The following PEX5 variants were observed in gnomAD, a reference collection of about 807,000 sequenced individuals.
PEX5 encodes the protein PTS1 receptor.
In PEX5, 52 loss-of-function variants were observed where a neutral mutation model predicts 82.9. The observed-to-expected ratio is 0.63, with a 90% CI of 0.50 to 0.79. The LOEUF is 0.79. Ranked by LOEUF, PEX5 falls within the 30% of genes least tolerant of loss-of-function variation. The pLI, the probability that PEX5 is intolerant of heterozygous loss-of-function variation, is 0.00. For synonymous variants in PEX5, 300 were observed against 318.8 expected (o/e 0.94, Z 0.63); for missense variants, 719 against 815.2 (o/e 0.88, Z 1.44).
downstream of PEX5, among the ~76,000 whole-genome samples, chr12:7,213,131 T>C (rs11044681): frequency 0.29 from 42,736 of 149,302 alleles, 6,458 homozygotes; most frequent in South Asian, 0.36. Context: ...GAATCAATAT[T>C]GTGAAAATGG....
At chr12:7,200,547 G>A (rs1943695191) in intron 6 of PEX5, among the ~76,000 whole-genome samples, 2 of 152,262 alleles carry the variant, frequency 1.3e-5, no homozygotes, top group African/African-American at 4.8e-5. Context: ...GCGGCTGGGA[G>A]GTGGAGGTTG....
chr12:7,190,468 C>G lies in PEX5; in HGVS notation c.91C>G (p.Arg31Gly). The G allele has an allele frequency of 1.2e-6, 2 of 1,614,108 alleles. No homozygotes were observed. Among genetic ancestry groups the G allele is most frequent in the Non-Finnish European group, 1.7e-6 (2 of 1,180,024 alleles). Residue 31 changes from arginine to glycine, a missense_variant, in exon 2 of 16, where the codon CGG becomes GGG. Arg to Gly is a moderately radical substitution (Grantham distance 125). Transcript: ENST00000675855. Reference protein sequence around the residue: ...AGHFTQDKALRQEGLRPGPWP... With the variant: ...AGHFTQDKALGQEGLRPGPWP... ...GCACTTCACCCAGGACAAGGCCCTT[C>G]GGCAGGAGGGATTGAGGCCTGGCCC...
Position 7,191,334 on chromosome 12 carries a change from A to C in PEX5, c.292A>C (p.Asn98His), listed in dbSNP as rs374327439. The C allele has an allele frequency of 6.2e-7, 1 of 1,614,176 alleles. No homozygotes were observed. Among genetic ancestry groups the C allele is most frequent in the Admixed American group, 1.7e-5 (1 of 60,026 alleles). ...LAEMQQIEQSNFRQAPQRAPG... is the reference protein window; with the variant it reads ...LAEMQQIEQSHFRQAPQRAPG... ...TGAGATGCAGCAGATTGAGCAGTCA[A>C]ACTTCCGCCAGGCTCCCCAGAGAGG... Residue 98 changes from asparagine (N) to histidine (H), a missense_variant, in exon 4 of 16, where the codon AAC (asparagine) becomes CAC (histidine). By Grantham distance (68) the Asn-to-His change is moderately conservative. Transcript: ENST00000675855.
chr12:7,192,174 G>A (rs759318546), intron 5 of PEX5, among the ~76,000 whole-genome samples: 3 of 152,160 alleles, frequency 2.0e-5, no homozygotes, highest in Admixed American at 6.5e-5. Context: ...CAATAGTTAC[G>A]TTCTAGGCCT....
At chr12:7,203,592 C>T (rs1447401100) in intron 10 of PEX5, 41 bp downstream of exon 10, 18 of 1,591,998 alleles carry the variant, frequency 1.1e-5, no homozygotes, top group Middle Eastern at 1.8e-4. Flanking sequence ...CCAGAACTTC[C>T]TTCTTTTTAA....
chr12:7,212,286 ATT>A (rs1232396951), downstream of PEX5, among the ~76,000 whole-genome samples: 1 of 151,986 alleles, frequency 6.6e-6, no homozygotes, highest in Non-Finnish European at 1.5e-5. Flanking sequence ...TAACTTTTAA[ATT>A]TATTTAAAAA....
At chr12:7,202,079 C>A (rs1330820880) in intron 7 of PEX5, 162 bp from the exon 8 acceptor site, 1 of 1,125,370 alleles carries the variant, frequency 8.9e-7, no homozygotes, top group African/African-American at 1.5e-5. Context: ...GCCAGAAATC[C>A]CTTTCTTTTT....
rs1323983859 is a variant in PEX5, at chr12:7,197,426, C to T, written c.449-1585C>T. On this transcript the variant is annotated intron_variant, in intron 5 of 15. Transcript: ENST00000675855. Reference sequence around the variant, plus strand: ...TGTCATATACAATGTAATTATATGTCATATACAATGTAATTATGTTATATA... The same window carrying T: ...TGTCATATACAATGTAATTATATGTTATATACAATGTAATTATGTTATATA... Among the ~76,000 whole-genome samples the T allele has an allele frequency of 5.8e-5, 6 of 102,838 alleles. No homozygotes were observed. The East Asian group carries it at 7.0e-4, about 12-fold the overall frequency. 67.5% of individuals were successfully genotyped at this position (102,838 alleles called of 152,430 possible). A position where few individuals can be genotyped will look rare whatever the true frequency, so the allele number is the denominator to read the frequency against.
intron 5 of PEX5, 85 bp from the exon 6 acceptor site, chr12:7,198,926 A>C (rs1591717676): frequency 1.4e-6 from 1 of 728,914 alleles, no homozygotes; most frequent in Non-Finnish European, 2.4e-6. Flanking sequence ...TAAGAGGGTC[A>C]GTTGAATATG....
Position 7,203,481 on chromosome 12 carries a change from C to T in PEX5, c.896C>T (p.Ala299Val). 2 of 1,613,824 alleles carry T rather than the reference C, an allele frequency of 1.2e-6. No homozygotes were observed. The highest frequency in any genetic ancestry group is 1.3e-5 in the African/African-American group (1 of 74,994). The change falls in exon 10 of 16, where the codon GCA (alanine) becomes GTA (valine). Residue 299 changes from alanine to valine, a missense_variant. Coordinates refer to ENST00000675855, the MANE Select transcript of PEX5 (RefSeq NM_001351132.2). ...DKLQAELEEM[A>V]KRDAEAHPWL... is the part of the protein sequence containing the mutation. ...TTGCAGGCAGAGTTGGAGGAGATGG[C>T]AAAACGGGATGCTGAGGCCCACCCC...
At chr12:7,215,959 ATT>A (rs1945765943), downstream of PEX5, among the ~76,000 whole-genome samples, 1 of 111,292 alleles carries the variant, frequency 9.0e-6, no homozygotes. Flanking sequence ...AAATATATTA[ATT>A]AAATTAAAAA....
At chr12:7,190,199 C>T in intron 1 of PEX5, 163 bp from the exon 2 acceptor site, 2 of 1,553,772 alleles carry the variant, frequency 1.3e-6, no homozygotes, top group Non-Finnish European at 1.7e-6. Context: ...ACCGACCTCC[C>T]TCGAACTCCT....
At chr12:7,189,808 G>C in intron 1 of PEX5, 58 bp downstream of exon 1, 1 of 814,856 alleles carries the variant, frequency 1.2e-6, no homozygotes, top group South Asian at 3.0e-5. Context: ...CCCCACCCTT[G>C]CGGTGGCCTC....
At chr12:7,215,843 T>A (rs1029158450), downstream of PEX5, among the ~76,000 whole-genome samples, 7 of 152,008 alleles carry the variant, frequency 4.6e-5, no homozygotes, top group African/African-American at 1.7e-4. Context: ...ATGCAGTTTA[T>A]CCATGTAACA....
rs1555176221 is a variant in PEX5, at chr12:7,197,418, T to TAATTATA, written c.449-1593_449-1592insAATTATA. Among the ~76,000 whole-genome samples, 231 of 28,876 alleles carry TAATTATA rather than the reference T, an allele frequency of 8.0e-3. 34 individuals are homozygous for TAATTATA. Among genetic ancestry groups the TAATTATA allele is most frequent in the Admixed American group, 0.017 (29 of 1,756 alleles). The allele number at this position is 28,876 out of a possible 152,430, so 18.9% of individuals were successfully genotyped here. A position where few individuals can be genotyped will look rare whatever the true frequency, so the allele number is the denominator to read the frequency against. The stretch of plus-strand genomic sequence containing the variant: ...TATATATATGTCATATACAATGTAA[T>TAATTATA]TATATGTCATATACAATGTAATTAT... On this transcript the variant is annotated intron_variant, in intron 5 of 15. Transcript: ENST00000675855.
chr12:7,212,954 C>CG (rs1945665339), downstream of PEX5: 2 of 152,116 alleles, frequency 1.3e-5, no homozygotes, highest in South Asian at 4.1e-4. Flanking sequence ...CAGGACATGA[C>CG]AAAGTCTGGC....
intron 13 of PEX5, 29 bp from the exon 14 acceptor site, chr12:7,208,976 T>C (rs1263195280): frequency 6.2e-7 from 1 of 1,604,510 alleles, no homozygotes; most frequent in Non-Finnish European, 8.5e-7. Context: ...TTCATCTACC[T>C]ACTTTGTGTT....
In PEX5 at chr12:7,209,120, T is replaced by G. The variant is rs1591800177; in HGVS notation, c.1510T>G (p.Tyr504Asp). Residue 504 changes from tyrosine (Y) to aspartate (D), a missense_variant, in exon 14 of 16, where the codon TAT (tyrosine) becomes GAT (aspartate). Coordinates refer to ENST00000675855, the MANE Select transcript of PEX5 (RefSeq NM_001351132.2). ...AGTCCTTTTCAACCTGAGTGGGGAG[T>G]ATGACAAGGCCGTGGACTGCTTCAC... ...LGVLFNLSGE[Y>D]DKAVDCFTAA... The G allele has an allele frequency of 3.1e-6, 5 of 1,613,564 alleles. No homozygotes were observed. Among genetic ancestry groups the G allele is most frequent in the Non-Finnish European group, 4.2e-6 (5 of 1,179,912 alleles).
At chr12:7,191,182 C>T (rs1356543276) in intron 3 of PEX5, 44 bp from the exon 4 acceptor site, 6 of 1,612,992 alleles carry the variant, frequency 3.7e-6, no homozygotes, top group Non-Finnish European at 5.1e-6. Flanking sequence ...CTTGCTGGGG[C>T]CTCCCAAGCC....
Sources: gnomAD v4.1 joint callset for allele counts (sites outside exome capture counted in the v4.1 genomes callset) on GRCh38, gnomAD v4.1.1 for gene constraint, MANE v1.5 for transcripts, NCBI Gene and HGNC (gene_info 2026-07-23, HGNC 2026-07-21) for gene names.